MORN2: variants seen among roughly 807,000 people sequenced by gnomAD.
The protein encoded by MORN2 is MORN repeat containing 2.
A neutral mutation model predicts 13.4 loss-of-function variants in MORN2; 15 were observed. The observed-to-expected ratio is 1.12, with a 90% CI of 0.75 to 1.72. The LOEUF (loss-of-function observed/expected upper bound fraction) is 1.72, where lower values mean the gene tolerates loss of function less well. Among genes scored for constraint, MORN2 ranks in the 40% most tolerant of loss-of-function variants. MORN2 has a pLI of 0.00. For synonymous variants in MORN2, 46 were observed against 43.6 expected (o/e 1.06, Z -0.22); for missense variants, 168 against 134.6 (o/e 1.25, Z -1.23).
chr2:38,881,200 C>T (rs1483002263), intron 3 of MORN2, among the ~76,000 whole-genome samples: 1 of 152,176 alleles, frequency 6.6e-6, no homozygotes, highest in Non-Finnish European at 1.5e-5. Flanking sequence ...TATTTATCTT[C>T]ATCATGGACC....
At chr2:38,876,758 T>C (rs1665640405) in intron 1 of MORN2, among the ~76,000 whole-genome samples, 1 of 152,180 alleles carries the variant, frequency 6.6e-6, no homozygotes, top group Admixed American at 6.5e-5. Flanking sequence ...GGAGAGCTCA[T>C]ACCTGAGCTG....
chr2:38,878,973 C>A (rs1167120579), intron 1 of MORN2, among the ~76,000 whole-genome samples: 3 of 152,190 alleles, frequency 2.0e-5, no homozygotes, highest in African/African-American at 7.2e-5. Context: ...TGCATACCGT[C>A]TCTACATAAG....
At chr2:38,876,289 G>C (rs1329504436) in intron 1 of MORN2, 179 bp downstream of exon 1, 8 of 394,550 alleles carry the variant, frequency 2.0e-5, no homozygotes, top group Non-Finnish European at 2.7e-5. Context: ...TGATTCTGTT[G>C]TTAATTCGCT....
At chr2:38,877,151 A>T (rs1665652806) in intron 1 of MORN2, among the ~76,000 whole-genome samples, 1 of 152,168 alleles carries the variant, frequency 6.6e-6, no homozygotes, top group African/African-American at 2.4e-5. Flanking sequence ...CTGTAGTTCC[A>T]GCTACTTGGG....
Position 38,882,446 on chromosome 2 carries a change from A to C in MORN2, c.387A>C (p.Gln129His), listed in dbSNP as rs1289749245. 1 of 1,550,860 alleles carries C rather than the reference A, an allele frequency of 6.4e-7. No homozygotes were observed. Among genetic ancestry groups the C allele is most frequent in the Admixed American group, 2.0e-5 (1 of 50,978 alleles). ...GTGAAGGGGAATATACTGATATCCAAGGACTAGAATGGAGTGGTAACTTTC... is the reference window on the plus strand; with the variant it reads ...GTGAAGGGGAATATACTGATATCCACGGACTAGAATGGAGTGGTAACTTTC... The change falls in exon 5 of 5, where the codon CAA becomes CAC. Residue 129 changes from glutamine to histidine, a missense_variant. Transcript: ENST00000644631.
chr2:38,882,552 A>C lies in MORN2; in HGVS notation c.*37A>C. 2 of 1,444,288 alleles carry C rather than the reference A, an allele frequency of 1.4e-6. No individual in the cohort carries two copies. Among genetic ancestry groups the C allele is most frequent in the South Asian group, 1.2e-5 (1 of 81,094 alleles). The allele number at this position is 1,444,288 out of a possible 1,614,324, so 89.5% of individuals were successfully genotyped here. Reference sequence around the variant, plus strand: ...AATTAAAGTTGAAATGTAGTAATTGAAGCTTTTAGTTGTAAGGAAAGCAAC... The same window carrying C: ...AATTAAAGTTGAAATGTAGTAATTGCAGCTTTTAGTTGTAAGGAAAGCAAC... On this transcript the variant is annotated 3_prime_UTR_variant, in exon 5 of 5. Transcript: ENST00000644631.
chr2:38,882,356 T>C, intron 4 of MORN2, 57 bp from the exon 5 acceptor site: 1 of 1,118,566 alleles, frequency 8.9e-7, no homozygotes, highest in East Asian at 2.6e-5. Flanking sequence ...AAATCTTATA[T>C]CTGGACTGTA....
Position 38,877,210 on chromosome 2 carries a change from G to A in MORN2, c.58+1100G>A, listed in dbSNP as rs918786328. 6.6e-5 allele frequency among the ~76,000 whole-genome samples: 10 copies of A among 152,222 alleles called. No individual in the cohort carries two copies. In the South Asian group the frequency reaches 2.1e-3, roughly 32 times the overall value. On this transcript the variant is annotated intron_variant, in intron 1 of 4. Transcript: ENST00000644631. ...GAACCCGGGAGGCGGAGGTTGCAGT[G>A]AGACGAGATCAAGCCACTGCACTCC... is the stretch of plus-strand genomic sequence containing the variant.
chr2:38,878,712 G>GT (rs1434123551), intron 1 of MORN2, among the ~76,000 whole-genome samples: 1 of 151,592 alleles, frequency 6.6e-6, no homozygotes, highest in Admixed American at 6.6e-5. Flanking sequence ...ATTGTTTTTT[G>GT]TTTTTTGTAA....
intron 1 of MORN2, among the ~76,000 whole-genome samples, chr2:38,876,842 A>G (rs889170690): frequency 6.6e-6 from 1 of 152,204 alleles, no homozygotes; most frequent in Non-Finnish European, 1.5e-5. Context: ...AGATTAGCTC[A>G]TTTACTTGAT....
rs997780163 is a variant in MORN2 at position 38,881,571 on chromosome 2, G to A, written c.346G>A (p.Glu116Lys). The stretch of plus-strand genomic sequence containing the variant: ...GGCAAAGTATACTGGAAATTTCAAT[G>A]AAAATAGGTAAGCTTAAAATAAAAA... Residue 116 changes from glutamate (E) to lysine (K), a missense_variant, in exon 4 of 5, where the codon GAA (glutamate) becomes AAA (lysine). Physicochemically the swap from Glu to Lys is moderately conservative, Grantham distance 56. Coordinates refer to ENST00000644631, the MANE Select transcript of MORN2 (RefSeq NM_001145450.3). 1 of 1,511,496 alleles carries A rather than the reference G, an allele frequency of 6.6e-7. No homozygotes were observed. Among genetic ancestry groups the A allele is most frequent in the East Asian group, 2.5e-5 (1 of 39,714 alleles). 93.6% of individuals were successfully genotyped at this position (1,511,496 alleles called of 1,614,324 possible). A position where few individuals can be genotyped will look rare whatever the true frequency, so the allele number is the denominator to read the frequency against.
At chr2:38,880,807 A>G (rs1285845546) in intron 3 of MORN2, 101 bp downstream of exon 3, 35 of 1,218,630 alleles carry the variant, frequency 2.9e-5, no homozygotes, top group Non-Finnish European at 3.9e-5. Context: ...TAATGAGTAG[A>G]CTATATAATA....
rs1403029076 is a variant in MORN2 at position 38,882,504 on chromosome 2, C to T, written c.445C>T (p.Leu149Phe). The T allele has an allele frequency of 9.7e-6, 15 of 1,548,366 alleles. No individual in the cohort carries two copies. Among genetic ancestry groups the T allele is most frequent in the Non-Finnish European group, 1.3e-5 (15 of 1,144,606 alleles). The change falls in exon 5 of 5, where the codon CTT becomes TTT. Residue 149 changes from leucine to phenylalanine, a missense_variant. Physicochemically the swap from Leu to Phe is conservative, Grantham distance 22. Transcript: ENST00000644631. ...AGCTGCTCCAGACCTGAAATTAAAG[C>T]TTCACATGTAGATGTGATGTTAAAT...
chr2:38,876,574 G>T (rs914633719), intron 1 of MORN2, among the ~76,000 whole-genome samples: 3 of 152,242 alleles, frequency 2.0e-5, no homozygotes, highest in Admixed American at 6.5e-5. Flanking sequence ...GGTGAGAAGA[G>T]ATTTGACTAA....
At chr2:38,882,350 C>T in intron 4 of MORN2, 63 bp from the exon 5 acceptor site, 1 of 950,380 alleles carries the variant, frequency 1.1e-6, no homozygotes, top group Admixed American at 2.5e-5. Flanking sequence ...GCTAGAAAAT[C>T]TTATATCTGG....
At chr2:38,877,589 A>C (rs1487846381) in intron 1 of MORN2, among the ~76,000 whole-genome samples, 1 of 151,944 alleles carries the variant, frequency 6.6e-6, no homozygotes, top group Non-Finnish European at 1.5e-5. Flanking sequence ...TATCCTCCAC[A>C]CCATTTCCAT....
rs566923329 is a variant in MORN2, at chr2:38,880,822, T to C, written c.216+116T>C. On this transcript the variant is annotated intron_variant, in intron 3 of 4. Coordinates refer to ENST00000644631, the MANE Select transcript of MORN2 (RefSeq NM_001145450.3). ...TAATGAGTAGACTATATAATAAAAA[T>C]AACAAATGATCATATTAACATATAT... 44 of 1,089,534 alleles carry C rather than the reference T, an allele frequency of 4.0e-5. No individual in the cohort carries two copies. The African/African-American group carries it at 6.2e-4, about 15-fold the overall frequency. 67.5% of individuals were successfully genotyped at this position (1,089,534 alleles called of 1,614,324 possible).
chr2:38,876,679 G>C (rs556142848), intron 1 of MORN2, among the ~76,000 whole-genome samples: 20 of 152,274 alleles, frequency 1.3e-4, no homozygotes, highest in African/African-American at 4.6e-4. Context: ...AGTAGGAATA[G>C]GCCCAGAGTG....
chr2:38,879,433 A>G (rs1427694762), intron 1 of MORN2, among the ~76,000 whole-genome samples: 4 of 152,240 alleles, frequency 2.6e-5, no homozygotes, highest in Non-Finnish European at 4.4e-5. Context: ...TCTGTACAAC[A>G]TATTTATACA....
Sources: allele counts gnomAD v4.1 joint callset (sites outside exome capture counted in the v4.1 genomes callset), GRCh38; gene constraint gnomAD v4.1.1; transcripts MANE v1.5; gene names NCBI Gene and HGNC (gene_info 2026-07-23, HGNC 2026-07-21).